Variants in EYS observed in about 807,000 individuals in gnomAD.
EYS encodes protein eyes shut homolog.
Under a neutral mutation model 282.1 loss-of-function variants are expected in EYS, and 250 were observed. The observed-to-expected ratio is 0.89, with a 90% CI of 0.80 to 0.98. The LOEUF (loss-of-function observed/expected upper bound fraction) is 0.98, where lower values mean the gene tolerates loss of function less well. Ranked by LOEUF, EYS falls within the 50% of genes least tolerant of loss-of-function variation. The pLI is 0.00. For synonymous variants in EYS, 1,355 were observed against 1,282.9 expected (o/e 1.06, Z -1.20); for missense variants, 4,016 against 3,709.0 (o/e 1.08, Z -2.15).
chr6:65,353,295 G>A (rs185293780), intron 9 of EYS, among the ~76,000 whole-genome samples, 163 bp downstream of exon 9: 189 of 151,944 alleles, frequency 1.2e-3, no homozygotes, highest in African/African-American at 4.3e-3. Context: ...TGTTAAACAC[G>A]TCAGTTAAAG....
At chr6:64,510,802 G>A (rs553026699) in intron 26 of EYS, among the ~76,000 whole-genome samples, 22 of 152,072 alleles carry the variant, frequency 1.4e-4, no homozygotes, top group East Asian at 5.8e-4. Context: ...ATGTGTTAGC[G>A]GAAAGAAACC....
At chr6:64,470,762 T>C (rs1776100089) in intron 26 of EYS, among the ~76,000 whole-genome samples, 1 of 152,100 alleles carries the variant, frequency 6.6e-6, no homozygotes, top group Non-Finnish European at 1.5e-5. Flanking sequence ...GATAAGTCTT[T>C]TATGCTAACA....
chr6:64,695,888 A>C (rs983833394), intron 22 of EYS, among the ~76,000 whole-genome samples: 5 of 152,314 alleles, frequency 3.3e-5, no homozygotes, highest in East Asian at 1.9e-4. Context: ...TAAATACAAA[A>C]GTAAGAAGTG....
At chr6:63,731,685 G>A (rs1379655912) in intron 41 of EYS, among the ~76,000 whole-genome samples, 1 of 151,858 alleles carries the variant, frequency 6.6e-6, no homozygotes, top group Non-Finnish European at 1.5e-5. Flanking sequence ...TTTAACTTAT[G>A]TGGCTCATAG....
chr6:63,965,049 AT>A (rs1766241434), intron 35 of EYS, among the ~76,000 whole-genome samples: 1 of 152,222 alleles, frequency 6.6e-6, no homozygotes, highest in South Asian at 2.1e-4. Context: ...CTCTTAAAAA[AT>A]TTAACACAGG....
intron 22 of EYS, among the ~76,000 whole-genome samples, chr6:64,736,984 G>A (rs1414864893): frequency 6.6e-6 from 1 of 152,106 alleles, no homozygotes; most frequent in Non-Finnish European, 1.5e-5. Context: ...GTTTCATTGT[G>A]TATTTTCATT....
chr6:64,100,347 G>T (rs932533264), intron 31 of EYS, among the ~76,000 whole-genome samples: 95 of 151,912 alleles, frequency 6.3e-4, no homozygotes, highest in African/African-American at 2.3e-3. Flanking sequence ...TTATTACATT[G>T]CCTGGAATTT....
chr6:65,665,167 G>C (rs1337123075), intron 1 of EYS, among the ~76,000 whole-genome samples: 2 of 152,106 alleles, frequency 1.3e-5, no homozygotes, highest in Non-Finnish European at 2.9e-5. Context: ...GTTTTAACTA[G>C]GGACATACAA....
intron 19 of EYS, among the ~76,000 whole-genome samples, chr6:64,829,917 A>G (rs1227515092): frequency 1.3e-5 from 2 of 151,936 alleles, no homozygotes; most frequent in East Asian, 1.9e-4. Context: ...CTTGCGCTAG[A>G]GAATACCACT....
chr6:65,343,452 T>C (rs1031876837), intron 10 of EYS, among the ~76,000 whole-genome samples: 4 of 151,290 alleles, frequency 2.6e-5, no homozygotes, highest in Non-Finnish European at 5.9e-5. Context: ...TGAAGATTCT[T>C]AAATTTTTCT....
rs747551935 is a variant in EYS, at chr6:63,948,513, C to T, written c.7055+35870G>A. ...ACACCACAAGGGTGTATCTCCCCAA[C>T]AAGATGCTGATCAGACAGCTTGAAA... On this transcript the variant is annotated intron_variant, in intron 35 of 42. Transcript: ENST00000503581. 3.9e-5 allele frequency among the ~76,000 whole-genome samples: 6 copies of T among 152,306 alleles called. No individual in the cohort carries two copies. In the South Asian group the frequency reaches 1.2e-3, roughly 32 times the overall value.
At chr6:65,467,605 GAT>G (rs1373952103) in intron 5 of EYS, among the ~76,000 whole-genome samples, 1 of 151,960 alleles carries the variant, frequency 6.6e-6, no homozygotes, top group Non-Finnish European at 1.5e-5. Flanking sequence ...TAAATGAAGA[GAT>G]ATGTCACTTT....
chr6:64,602,390 C>T (rs550856786), intron 24 of EYS, among the ~76,000 whole-genome samples: 4 of 152,038 alleles, frequency 2.6e-5, no homozygotes, highest in African/African-American at 9.6e-5. Flanking sequence ...CTTTATATTA[C>T]AAGAAAAACA....
intron 12 of EYS, among the ~76,000 whole-genome samples, chr6:65,217,361 A>G (rs1035721141): frequency 6.6e-6 from 1 of 152,096 alleles, no homozygotes; most frequent in African/African-American, 2.4e-5. Context: ...TATGTATAGC[A>G]ATGCTTTTTT....
intron 22 of EYS, among the ~76,000 whole-genome samples, chr6:64,762,153 A>G (rs907323503): frequency 6.6e-6 from 1 of 152,238 alleles, no homozygotes; most frequent in African/African-American, 2.4e-5. Flanking sequence ...AACTAAACAT[A>G]TTGTACTCCA....
chr6:64,563,269 A>G (rs1765456978), intron 26 of EYS, among the ~76,000 whole-genome samples: 1 of 152,046 alleles, frequency 6.6e-6, no homozygotes, highest in Admixed American at 6.5e-5. Flanking sequence ...TAAAGTTCTG[A>G]CATTCAATAT....
intron 26 of EYS, among the ~76,000 whole-genome samples, chr6:64,493,740 A>G (rs761479191): frequency 2.0e-4 from 30 of 151,578 alleles, no homozygotes; most frequent in Non-Finnish European, 4.1e-4. Context: ...ATCTTAACTG[A>G]GTTAGTTCTC....
At chr6:64,900,516 A>T (rs1767620560) in intron 18 of EYS, among the ~76,000 whole-genome samples, 1 of 152,240 alleles carries the variant, frequency 6.6e-6, no homozygotes, top group Non-Finnish European at 1.5e-5. Flanking sequence ...TCCACAAGGA[A>T]CTTAAACAAA....
chr6:64,172,949 C>T (rs186560231), intron 31 of EYS, among the ~76,000 whole-genome samples: 27 of 152,212 alleles, frequency 1.8e-4, no homozygotes, highest in African/African-American at 6.3e-4. Context: ...TTGCCTTCCG[C>T]GAAACCGGTC....
Sources: gnomAD v4.1 joint callset for allele counts (sites outside exome capture counted in the v4.1 genomes callset) on GRCh38, gnomAD v4.1.1 for gene constraint, MANE v1.5 for transcripts, NCBI Gene and HGNC (gene_info 2026-07-23, HGNC 2026-07-21) for gene names.